The following POLR1A variants were observed in gnomAD, a reference collection of about 807,000 sequenced individuals.
POLR1A encodes the protein RNA polymerase I subunit A.
A neutral mutation model predicts 205.3 loss-of-function variants in POLR1A; 84 were observed. That is an observed-to-expected ratio of 0.41 (90% CI 0.34 to 0.49). The LOEUF is 0.49. POLR1A is among the 20% of genes least tolerant of loss of function. The pLI is 0.22. For synonymous variants in POLR1A, 799 were observed against 863.7 expected, an observed-to-expected ratio of 0.93 and a Z score of 1.31; for missense variants, 1,645 against 2,204.5, an observed-to-expected ratio of 0.75 and a Z score of 5.08.
rs114983496 is a variant in POLR1A at position 86,073,797 on chromosome 2, A to G, written c.1611+1233T>C. On this transcript the variant is annotated intron_variant, in intron 12 of 33. Transcript: ENST00000263857. ...GGGCATCAGTACTGCCTCATCCCTC[A>G]CCCCTTCTCCTAGTCTCTTTCTCAT... 6.9e-3 allele frequency among the ~76,000 whole-genome samples: 1,044 copies of G among 152,060 alleles called. 12 individuals carry two copies. Among genetic ancestry groups the G allele is most frequent in the African/African-American group, 0.024 (990 of 41,438 alleles).
chr2:86,038,017 G>A (rs1265029330), intron 27 of POLR1A, among the ~76,000 whole-genome samples: 5 of 152,180 alleles, frequency 3.3e-5, no homozygotes, highest in Admixed American at 3.3e-4. Flanking sequence ...AGGGTTAGCT[G>A]GTGAGTCAAA....
chr2:86,028,193 G>A lies in POLR1A; in HGVS notation c.4898-144C>T, dbSNP rs902318545. 30 of 753,984 alleles carry A rather than the reference G, an allele frequency of 4.0e-5. 1 individual carries two copies. Among genetic ancestry groups the A allele is most frequent in the East Asian group, 1.3e-4 (5 of 39,724 alleles). 46.7% of individuals were successfully genotyped at this position (753,984 alleles called of 1,614,324 possible). A position where few individuals can be genotyped will look rare whatever the true frequency, so the allele number is the denominator to read the frequency against. On this transcript the variant is annotated intron_variant, in intron 32 of 33. Coordinates refer to ENST00000263857, the MANE Select transcript of POLR1A (RefSeq NM_015425.6). This position sits in a 1 kb window ranked among gnomAD's most constrained non-coding sequence, Gnocchi z 4.5. ...CCCTTCAGCTCCGCCACCTGCTCAC[G>A]CTACTTAACCCTTCCCCGTGGTCTG...
chr2:86,063,810 TTTC>T (rs1380306462), intron 14 of POLR1A, among the ~76,000 whole-genome samples: 1 of 152,172 alleles, frequency 6.6e-6, no homozygotes, highest in African/African-American at 2.4e-5. Flanking sequence ...TGGGACCCTT[TTTC>T]TTCTTTTCAA....
Position 86,075,018 on chromosome 2 carries a change from G to T in POLR1A, c.1611+12C>A. ...GCCGGATGGGTCCCTGACCAAAGCT[G>T]CCCTTACTCACAATTTTTGTCCCCT... On this transcript the variant is annotated intron_variant, in intron 12 of 33. Transcript: ENST00000263857. 6.3e-7 allele frequency: 1 copy of T among 1,579,072 alleles called. No homozygotes were observed. Among genetic ancestry groups the T allele is most frequent in the Non-Finnish European group, 8.7e-7 (1 of 1,156,014 alleles).
intron 14 of POLR1A, among the ~76,000 whole-genome samples, chr2:86,063,335 CAAAAAA>C (rs34298205): frequency 3.9e-3 from 161 of 41,234 alleles, no homozygotes; most frequent in East Asian, 9.4e-3. Context: ...AACTCCATCT[CAAAAAA>C]AAAAAAAAAA....
At chr2:86,032,083 G>T (rs917393044) in intron 29 of POLR1A, among the ~76,000 whole-genome samples, 189 bp downstream of exon 29, 14 of 152,206 alleles carry the variant, frequency 9.2e-5, no homozygotes, top group African/African-American at 3.1e-4. Flanking sequence ...GTGGACCTGT[G>T]CCAAATTCCC....
intron 3 of POLR1A, among the ~76,000 whole-genome samples, chr2:86,097,762 G>T (rs1436065238): frequency 1.3e-5 from 2 of 152,080 alleles, no homozygotes; most frequent in African/African-American, 4.8e-5. Flanking sequence ...AGGGGAACAG[G>T]AAGAGATTTG....
At chr2:86,069,911 C>T in intron 13 of POLR1A, 107 bp downstream of exon 13, 1 of 1,257,774 alleles carries the variant, frequency 8.0e-7, no homozygotes. Context: ...ATTCCAGGCG[C>T]CCCTGTCCTG....
chr2:86,099,113 A>T (rs915953852), intron 2 of POLR1A, among the ~76,000 whole-genome samples: 2 of 152,168 alleles, frequency 1.3e-5, no homozygotes, highest in Non-Finnish European at 2.9e-5. Flanking sequence ...AGGTGGGCAG[A>T]TCACTTGAGG....
At position 86,051,414 on chromosome 2, in the gene POLR1A, T is replaced by C. The variant is rs535528930; in HGVS notation, c.2392+1403A>G. On this transcript the variant is annotated intron_variant, in intron 16 of 33. Coordinates refer to ENST00000263857, the MANE Select transcript of POLR1A (RefSeq NM_015425.6). ...GATTAAATATATGATACAATTAAAA[T>C]AGAATAAAATGTATAATGCAGGCCC... Among the ~76,000 whole-genome samples, 340 of 151,958 alleles carry C rather than the reference T, an allele frequency of 2.2e-3. 2 individuals carry two copies. The highest frequency in any genetic ancestry group is 4.2e-3 in the Non-Finnish European group (286 of 67,976).
chr2:86,032,807 C>T (rs938429681), intron 28 of POLR1A, among the ~76,000 whole-genome samples: 3 of 152,152 alleles, frequency 2.0e-5, no homozygotes, highest in African/African-American at 4.8e-5. Context: ...GAACTTGGCT[C>T]CTAGTTTTTT....
chr2:86,053,306 C>T (rs1167929636), intron 15 of POLR1A, among the ~76,000 whole-genome samples: 1 of 151,850 alleles, frequency 6.6e-6, no homozygotes, highest in Non-Finnish European at 1.5e-5. Context: ...TTTATATCCC[C>T]TACTCCCCAC....
chr2:86,098,727 T>G lies in POLR1A; in HGVS notation c.316A>C (p.Asn106His). 6.2e-7 allele frequency: 1 copy of G among 1,613,970 alleles called. No homozygotes were observed. The highest frequency in any genetic ancestry group is 8.5e-7 in the Non-Finnish European group (1 of 1,179,980). The change falls in exon 3 of 34, where the codon AAC becomes CAC. Residue 106 changes from asparagine (N) to histidine (H), a missense_variant. By Grantham distance (68) the Asn-to-His change is moderately conservative. Coordinates refer to ENST00000263857, the MANE Select transcript of POLR1A (RefSeq NM_015425.6). ...LYLLLRGSCL[N>H]CHMLTCPRAV... is the part of the protein sequence containing the mutation. ...CGGGGACAAGTCAGCATGTGGCAGT[T>G]TAAACAAGAGCCCCGAAGCAGCAGG...
At chr2:86,041,030 T>G (rs1327143974) in intron 24 of POLR1A, among the ~76,000 whole-genome samples, 1 of 152,204 alleles carries the variant, frequency 6.6e-6, no homozygotes, top group African/African-American at 2.4e-5. Flanking sequence ...TTTTAGTTAG[T>G]GCAAATGGCT....
chr2:86,045,134 C>T, intron 21 of POLR1A, 144 bp downstream of exon 21: 1 of 620,596 alleles, frequency 1.6e-6, no homozygotes, highest in South Asian at 1.9e-5. Context: ...GTGTTTGCTG[C>T]TTTCTGTCTC....
intron 7 of POLR1A, among the ~76,000 whole-genome samples, chr2:86,082,180 C>T (rs1368088745): frequency 2.0e-5 from 3 of 152,034 alleles, no homozygotes; most frequent in East Asian, 3.9e-4. Context: ...GTGTACATGA[C>T]AGTTTGTATG....
rs1450342642 is a variant in POLR1A, at chr2:86,025,708, A to T, written c.*1715T>A. The T allele has an allele frequency of 1.3e-5, 2 of 152,278 alleles. No homozygotes were observed. Among genetic ancestry groups the T allele is most frequent in the Non-Finnish European group, 2.9e-5 (2 of 68,072 alleles). The allele number at this position is 152,278 out of a possible 1,614,324, so 9.4% of individuals were successfully genotyped here. A position where few individuals can be genotyped will look rare whatever the true frequency, so the allele number is the denominator to read the frequency against. Reference sequence around the variant, plus strand: ...ATGGAATCCACGGACCCTGTGCCACAGTCACCAGGTTACTTTGTGATCTCC... The same window carrying T: ...ATGGAATCCACGGACCCTGTGCCACTGTCACCAGGTTACTTTGTGATCTCC... On this transcript the variant is annotated 3_prime_UTR_variant, in exon 34 of 34. Transcript: ENST00000263857.
Position 86,033,669 on chromosome 2 carries a change from T to C in POLR1A, c.4153A>G (p.Arg1385Gly), listed in dbSNP as rs1672438369. Residue 1385 changes from arginine to glycine, a missense_variant, in exon 28 of 34, where the codon AGG (arginine) becomes GGG (glycine). Physicochemically the swap from Arg to Gly is moderately radical, Grantham distance 125. This residue lies in a region of POLR1A where 394 missense variants were observed against 468.5 expected (regional missense o/e 0.84). Transcript: ENST00000263857. Reference protein sequence around the residue: ...RDLDNAGELGRSRGEQEGDEE... With the variant: ...RDLDNAGELGGSRGEQEGDEE... Reference sequence around the variant, plus strand: ...CCCGGGGACTCACTCACCCGACTCCTCCCCAACTCCCCAGCGTTGTCCAGA... The same window carrying C: ...CCCGGGGACTCACTCACCCGACTCCCCCCCAACTCCCCAGCGTTGTCCAGA... 6.2e-7 allele frequency: 1 copy of C among 1,613,238 alleles called. No homozygotes were observed. The highest frequency in any genetic ancestry group is 1.7e-5 in the Admixed American group (1 of 59,994).
chr2:86,041,190 T>TGTGC lies in POLR1A; in HGVS notation c.3573-632_3573-631insGCAC, dbSNP rs1212728761. Among the ~76,000 whole-genome samples the TGTGC allele has an allele frequency of 3.8e-3, 159 of 41,968 alleles. 1 individual carries two copies. The highest frequency in any genetic ancestry group is 8.8e-3 in the Non-Finnish European group (130 of 14,690). 27.5% of individuals were successfully genotyped at this position (41,968 alleles called of 152,430 possible). The stretch of plus-strand genomic sequence containing the variant: ...GTGTGTGTGTGTGTGTGTGTGTGTG[T>TGTGC]GCGCGCTGAGCTACAGTGTCTGTGT... On this transcript the variant is annotated intron_variant, in intron 24 of 33. Coordinates refer to ENST00000263857, the MANE Select transcript of POLR1A (RefSeq NM_015425.6).
Sources: gnomAD v4.1 joint callset for allele counts (sites outside exome capture counted in the v4.1 genomes callset) on GRCh38, gnomAD v4.1.1 for gene constraint, gnomAD v4.1.1 regional missense constraint, Gnocchi (gnomAD v3.1) non-coding constraint, MANE v1.5 for transcripts, NCBI Gene and HGNC (gene_info 2026-07-23, HGNC 2026-07-21) for gene names.